SLC38A12: variants seen among roughly 807,000 people sequenced by gnomAD.
SLC38A12 encodes solute carrier family 38 member 12.
At chr17:74,803,528 G>A in the SLC38A12 span, among the ~76,000 whole-genome samples, 4 of 152,184 alleles carry the variant, frequency 2.6e-5, no homozygotes, top group South Asian at 4.1e-4. Context: ...GACCTTCTGC[G>A]CTGAGCTTTT....
the SLC38A12 span, among the ~76,000 whole-genome samples, chr17:74,822,385 C>T: frequency 3.3e-5 from 5 of 152,362 alleles, no homozygotes; most frequent in East Asian, 1.9e-4. Flanking sequence ...CTGAGGCTCC[C>T]GGGGCCCTGC....
chr17:74,833,553 T>C, the SLC38A12 span, among the ~76,000 whole-genome samples: 1 of 152,204 alleles, frequency 6.6e-6, no homozygotes, highest in Non-Finnish European at 1.5e-5. Context: ...CTGCCTTTCT[T>C]TGGAGATGTG....
chr17:74,835,417 G>C, the SLC38A12 span, among the ~76,000 whole-genome samples: 1 of 152,102 alleles, frequency 6.6e-6, no homozygotes, highest in Non-Finnish European at 1.5e-5. Context: ...CTCGGCCCAG[G>C]AGGACACCTC....
the SLC38A12 span, among the ~76,000 whole-genome samples, chr17:74,809,094 T>G: frequency 6.6e-6 from 1 of 152,160 alleles, no homozygotes; most frequent in African/African-American, 2.4e-5. Flanking sequence ...CCGGTAAAGA[T>G]AGGTTACAAA....
At chr17:74,839,241 T>C in the SLC38A12 span, 9 of 1,401,454 alleles carry the variant, frequency 6.4e-6, no homozygotes, top group African/African-American at 1.1e-4. Flanking sequence ...AGTGGCACCA[T>C]GACGGGCCCC....
chr17:74,788,888 G>A, the SLC38A12 span: 142 of 1,607,744 alleles, frequency 8.8e-5, no homozygotes, highest in South Asian at 1.2e-3. Flanking sequence ...TGTTGCCCTC[G>A]TCTCCGGGCC....
At chr17:74,796,266 G>A in the SLC38A12 span, among the ~76,000 whole-genome samples, 3 of 152,232 alleles carry the variant, frequency 2.0e-5, no homozygotes, top group Admixed American at 2.0e-4. Context: ...TACTTTGGGG[G>A]CGGGACTCAG....
chr17:74,782,991 CATG>C, the SLC38A12 span, among the ~76,000 whole-genome samples: 1 of 152,108 alleles, frequency 6.6e-6, no homozygotes, highest in Non-Finnish European at 1.5e-5. Context: ...TTAAGCCAGG[CATG>C]ATGGTGGGTG....
the SLC38A12 span, among the ~76,000 whole-genome samples, chr17:74,796,268 G>A: frequency 3.0e-4 from 46 of 152,302 alleles, no homozygotes; most frequent in African/African-American, 9.1e-4. Flanking sequence ...CTTTGGGGGC[G>A]GGACTCAGAA....
At chr17:74,836,416 C>T in the SLC38A12 span, 595 of 1,610,076 alleles carry the variant, frequency 3.7e-4, 2 homozygotes, top group Non-Finnish European at 2.1e-4. The surrounding 1 kb of genome is among the most constrained non-coding windows in gnomAD (Gnocchi z 4.2). Context: ...ACCCTGGTGC[C>T]GCCTGTGCTG....
the SLC38A12 span, among the ~76,000 whole-genome samples, chr17:74,812,182 T>G: frequency 2.7e-5 from 4 of 150,938 alleles, no homozygotes; most frequent in African/African-American, 9.8e-5. Flanking sequence ...GCCACGCTCA[T>G]GTCTGTTGAG....
chr17:74,789,771 G>T, the SLC38A12 span, among the ~76,000 whole-genome samples: 4 of 150,382 alleles, frequency 2.7e-5, no homozygotes, highest in Admixed American at 6.6e-5. Flanking sequence ...CTTGAACCTG[G>T]GAGGCAGAGG....
At chr17:74,815,902 A>T in the SLC38A12 span, among the ~76,000 whole-genome samples, 1 of 152,170 alleles carries the variant, frequency 6.6e-6, no homozygotes, top group Non-Finnish European at 1.5e-5. Flanking sequence ...TCAAACAGGC[A>T]CAAGTGTCAG....
chr17:74,836,573 C>G, the SLC38A12 span: 1 of 1,613,190 alleles, frequency 6.2e-7, no homozygotes, highest in Non-Finnish European at 8.5e-7. This position sits in a 1 kb window ranked among gnomAD's most constrained non-coding sequence, Gnocchi z 4.2. Flanking sequence ...GGGTCAGCAA[C>G]AAGCACAGGT....
At chr17:74,786,287 C>G in the SLC38A12 span, among the ~76,000 whole-genome samples, 1 of 152,192 alleles carries the variant, frequency 6.6e-6, no homozygotes, top group African/African-American at 2.4e-5. Flanking sequence ...TAGGACTAGG[C>G]ATTTCCATTC....
At chr17:74,836,823 C>T in the SLC38A12 span, 3 of 1,417,728 alleles carry the variant, frequency 2.1e-6, no homozygotes, top group Admixed American at 6.0e-5. This position sits in a 1 kb window ranked among gnomAD's most constrained non-coding sequence, Gnocchi z 4.2. Context: ...ACCCCCTGTC[C>T]AGCTGGGGTT....
the SLC38A12 span, among the ~76,000 whole-genome samples, chr17:74,794,233 C>T: frequency 1.3e-5 from 2 of 152,214 alleles, no homozygotes; most frequent in Non-Finnish European, 2.9e-5. Context: ...CATGGACTTA[C>T]TGGGGTCCTG....
the SLC38A12 span, among the ~76,000 whole-genome samples, chr17:74,801,166 T>C: frequency 9.2e-5 from 14 of 152,214 alleles, no homozygotes; most frequent in Non-Finnish European, 1.5e-4. Flanking sequence ...CCATCTTCTC[T>C]CCTTTCCTTT....
chr17:74,795,700 C>T, the SLC38A12 span: 2 of 1,250,174 alleles, frequency 1.6e-6, no homozygotes, highest in South Asian at 2.5e-5. Context: ...TTTGAAGTGC[C>T]TTTACTTCCA....
Sources: gnomAD v4.1 joint callset for allele counts (sites outside exome capture counted in the v4.1 genomes callset) on GRCh38, gnomAD v4.1.1 for gene constraint, Gnocchi (gnomAD v3.1) non-coding constraint, MANE v1.5 for transcripts, NCBI Gene and HGNC (gene_info 2026-07-23, HGNC 2026-07-21) for gene names.